Variants in DDAH1 observed in about 807,000 individuals in gnomAD.
DDAH1 encodes N(G),N(G)-dimethylarginine dimethylaminohydrolase 1.
DDAH1 carries 19 observed loss-of-function variants against 28.8 expected under a neutral mutation model. The observed-to-expected ratio is 0.66, with a 90% CI of 0.46 to 0.97. The LOEUF is 0.97. DDAH1 is among the 50% of genes least tolerant of loss of function. The pLI is 0.00. For synonymous variants in DDAH1, 153 were observed against 154.4 expected, an observed-to-expected ratio of 0.99 and a Z score of 0.07; for missense variants, 326 against 375.9, an observed-to-expected ratio of 0.87 and a Z score of 1.10.
intron 1 of DDAH1, among the ~76,000 whole-genome samples, chr1:85,500,134 CTTTCTT>C (rs1276703181): frequency 4.5e-5 from 2 of 44,440 alleles, no homozygotes; most frequent in African/African-American, 1.4e-4. Flanking sequence ...TTCTTTCTTT[CTTTCTT>C]TCTTTCTTTT....
intron 1 of DDAH1, chr1:85,376,637 T>TA (rs1209486843): frequency 3.3e-5 from 5 of 151,836 alleles, no homozygotes; most frequent in Non-Finnish European, 5.9e-5. Context: ...TTTTTTTTTT[T>TA]AGCAAAATCA....
chr1:85,531,607 A>AT (rs1203364952), intron 1 of DDAH1, among the ~76,000 whole-genome samples: 1 of 148,232 alleles, frequency 6.7e-6, no homozygotes, highest in East Asian at 2.0e-4. Flanking sequence ...GGAAGTGGGT[A>AT]TTTTTTTCCC....
At chr1:85,563,538 A>T (rs1171629246) in intron 1 of DDAH1, among the ~76,000 whole-genome samples, 1 of 150,812 alleles carries the variant, frequency 6.6e-6, no homozygotes, top group Non-Finnish European at 1.5e-5. Context: ...AGCATTAAAC[A>T]GTTTCCAAGT....
intron 1 of DDAH1, among the ~76,000 whole-genome samples, chr1:85,389,740 G>A (rs1651453119): frequency 6.6e-6 from 1 of 152,208 alleles, no homozygotes; most frequent in East Asian, 1.9e-4. Context: ...ACGACACAAG[G>A]AAGATTAACT....
intron 1 of DDAH1, among the ~76,000 whole-genome samples, chr1:85,499,536 G>T (rs540898854): frequency 6.6e-6 from 1 of 152,120 alleles, no homozygotes; most frequent in Non-Finnish European, 1.5e-5. Context: ...TTAGCTGGGT[G>T]TGGTGGCACA....
intron 2 of DDAH1, among the ~76,000 whole-genome samples, chr1:85,475,145 G>A (rs747327158): frequency 1.3e-5 from 2 of 152,124 alleles, no homozygotes; most frequent in Non-Finnish European, 2.9e-5. Context: ...CTTACTATCT[G>A]TACAATCCTG....
At chr1:85,504,734 AG>A (rs1199598088) in intron 1 of DDAH1, among the ~76,000 whole-genome samples, 4 of 152,138 alleles carry the variant, frequency 2.6e-5, no homozygotes, top group Non-Finnish European at 5.9e-5. Context: ...TACGCTAAAA[AG>A]CATGAGAACC....
chr1:85,560,295 G>A (rs565137722), intron 1 of DDAH1, among the ~76,000 whole-genome samples: 1 of 152,146 alleles, frequency 6.6e-6, no homozygotes, highest in South Asian at 2.1e-4. Context: ...ACTTACTGTT[G>A]GCAGACCTGA....
At chr1:85,322,410 G>T (rs941037604) in intron 5 of DDAH1, among the ~76,000 whole-genome samples, 4 of 152,188 alleles carry the variant, frequency 2.6e-5, no homozygotes, top group African/African-American at 9.7e-5. Flanking sequence ...TCAATTAACA[G>T]TTCATAGATT....
chr1:85,366,471 A>G (rs554504014), intron 1 of DDAH1, among the ~76,000 whole-genome samples: 12 of 152,120 alleles, frequency 7.9e-5, no homozygotes, highest in Non-Finnish European at 1.6e-4. Context: ...CAAGATATTT[A>G]GCATTTTGGT....
At chr1:85,394,396 G>A (rs773871483) in intron 1 of DDAH1, among the ~76,000 whole-genome samples, 4 of 152,156 alleles carry the variant, frequency 2.6e-5, no homozygotes, top group African/African-American at 4.8e-5. Context: ...GGGCTGCCCC[G>A]TCTTGGACTT....
chr1:85,483,454 A>T (rs2100719447), intron 2 of DDAH1, among the ~76,000 whole-genome samples: 1 of 152,256 alleles, frequency 6.6e-6, no homozygotes, highest in South Asian at 2.1e-4. Context: ...CCCAGTAAAA[A>T]ATCTTTAGTA....
intron 1 of DDAH1, chr1:85,399,099 G>C (rs892799361): frequency 6.6e-6 from 1 of 152,186 alleles, no homozygotes; most frequent in African/African-American, 2.4e-5. Context: ...TAGATATAAT[G>C]AGTATCCGGC....
intron 1 of DDAH1, among the ~76,000 whole-genome samples, chr1:85,563,386 T>C (rs1659193667): frequency 6.6e-6 from 1 of 152,214 alleles, no homozygotes; most frequent in South Asian, 2.1e-4. Context: ...TTTTGTGTTC[T>C]CAGCAGCCAG....
At chr1:85,349,812 C>CA (rs1649094532) in intron 4 of DDAH1, among the ~76,000 whole-genome samples, 1 of 152,178 alleles carries the variant, frequency 6.6e-6, no homozygotes, top group Admixed American at 6.5e-5. Flanking sequence ...AACAGAAGGT[C>CA]ATCTTCTTTA....
In DDAH1 at chr1:85,554,270, G is replaced by T. The variant is rs141256097; in HGVS notation, c.-123+23714C>A. Among the ~76,000 whole-genome samples the T allele has an allele frequency of 2.2e-3, 269 of 123,078 alleles. 1 individual carries two copies. Among genetic ancestry groups the T allele is most frequent in the Non-Finnish European group, 3.2e-3 (195 of 61,220 alleles). The allele number at this position is 123,078 out of a possible 152,430, so 80.7% of individuals were successfully genotyped here. A position where few individuals can be genotyped will look rare whatever the true frequency, so the allele number is the denominator to read the frequency against. On this transcript the variant is annotated intron_variant, in intron 1 of 6. Transcript: ENST00000426972. ...TCGTAGTTTTCCTAAAAAGGAAATT[G>T]TAAGAGTTTTTTTTTTTTTTTTTTT...
intron 1 of DDAH1, among the ~76,000 whole-genome samples, chr1:85,573,186 A>T (rs1014078898): frequency 2.8e-4 from 42 of 152,128 alleles, no homozygotes; most frequent in Non-Finnish European, 5.3e-4. Context: ...CTTACACTCA[A>T]TCCCCAAGAC....
At chr1:85,357,196 C>T (rs967828195) in intron 2 of DDAH1, among the ~76,000 whole-genome samples, 4 of 152,188 alleles carry the variant, frequency 2.6e-5, no homozygotes, top group African/African-American at 9.7e-5. Context: ...TGCTTGGGCA[C>T]ACCCAGAGAT....
intron 1 of DDAH1, among the ~76,000 whole-genome samples, chr1:85,373,910 G>C (rs1301241545): frequency 6.6e-6 from 1 of 152,062 alleles, no homozygotes; most frequent in Non-Finnish European, 1.5e-5. Flanking sequence ...AAGAGCTGTG[G>C]TTGGTTGGTG....
Sources: allele counts gnomAD v4.1 joint callset (sites outside exome capture counted in the v4.1 genomes callset), GRCh38; gene constraint gnomAD v4.1.1; transcripts MANE v1.5; gene names NCBI Gene and HGNC (gene_info 2026-07-23, HGNC 2026-07-21).